SLC12A4: variants seen among roughly 807,000 people sequenced by gnomAD.
The protein encoded by SLC12A4 is solute carrier family 12 member 4.
SLC12A4 carries 84 observed loss-of-function variants against 119.2 expected under a neutral mutation model. The observed-to-expected ratio is 0.70, with a 90% confidence interval of 0.59 to 0.85. The LOEUF (loss-of-function observed/expected upper bound fraction) is 0.85, where lower values mean the gene tolerates loss of function less well. SLC12A4 is among the 40% of genes least tolerant of loss of function. SLC12A4 has a pLI of 0.00. For missense variants in SLC12A4, 1,298 were observed against 1,476.3 expected, an observed-to-expected ratio of 0.88 and a Z score of 1.98; for synonymous variants, 599 against 604.6, an observed-to-expected ratio of 0.99 and a Z score of 0.14.
chr16:67,946,368 C>T (rs1329966142), intron 18 of SLC12A4, 28 bp from the exon 19 acceptor site: 2 of 1,604,956 alleles, frequency 1.2e-6, no homozygotes, highest in East Asian at 4.5e-5. Context: ...GGCTGACCAC[C>T]AGTCTGTGGC....
At position 67,952,318 on chromosome 16, in the gene SLC12A4, G is replaced by A; in HGVS notation, c.783C>T (p.Phe261=). The change falls in exon 7 of 24, where the codon TTC becomes TTT. Residue 261 remains phenylalanine, a synonymous_variant. Transcript: ENST00000316341. Reference sequence around the variant, plus strand: ...CCCCCACAAACACCACCAGGGTCATGAAGGTCAGGAAAATGGTCCCATACA... The same window carrying A: ...CCCCCACAAACACCACCAGGGTCATAAAGGTCAGGAAAATGGTCCCATACA... ...MRVYGTIFLT[F]MTLVVFVGVK... 6.2e-7 allele frequency: 1 copy of A among 1,614,200 alleles called. No individual in the cohort carries two copies. Among genetic ancestry groups the A allele is most frequent in the South Asian group, 1.1e-5 (1 of 91,086 alleles).
chr16:67,968,306 G>T, intron 1 of SLC12A4, 133 bp downstream of exon 1: 1 of 766,442 alleles, frequency 1.3e-6, no homozygotes, highest in Non-Finnish European at 1.9e-6. Context: ...CAGCGGCGCG[G>T]TCCAAAAAAA....
Position 67,968,487 on chromosome 16 carries a change from GC to G in SLC12A4, c.66del (p.Leu23SerfsTer119). 6.3e-7 allele frequency: 1 copy of G among 1,586,624 alleles called. No homozygotes were observed. The highest frequency in any genetic ancestry group is 8.5e-7 in the Non-Finnish European group (1 of 1,170,654). The stretch of plus-strand genomic sequence containing the variant: ...CGCTCCCCGTAGTCCACCCAACTGA[GC>G]CCCTCGAGGTTGTCATAGTCGCCGC... ...PRRGDYDNLEGLSWVDYGERA... is the reference protein window; with the variant it reads ...PRRGDYDNLEXLSWVDYGERA... On this transcript the variant is annotated frameshift_variant, in exon 1 of 24. Transcript: ENST00000316341. LOFTEE classifies it high-confidence loss of function.
chr16:67,946,186 C>G lies in SLC12A4; in HGVS notation c.2592G>C (p.Leu864=), dbSNP rs116185138. ...CCTGGTCTACCTTATGCTGGCGCAG[C>G]AGGAAGGGCAGAAGCATGAGCATGC... is the stretch of plus-strand genomic sequence containing the variant. The part of the protein sequence containing the change: ...DGGMLMLLPF[L]LRQHKVWRKC... Residue 864 remains leucine, a synonymous_variant, in exon 19 of 24, where the codon CTG becomes CTC. Transcript: ENST00000316341. The G allele has an allele frequency of 1.4e-3, 2,236 of 1,613,926 alleles. 33 individuals are homozygous for G. In the African/African-American group the frequency reaches 0.027, roughly 19 times the overall value.
At chr16:67,963,220 G>A (rs780845496) in intron 2 of SLC12A4, 29 of 243,694 alleles carry the variant, frequency 1.2e-4, no homozygotes, top group Non-Finnish European at 2.1e-4. Flanking sequence ...TTGCTGAGGG[G>A]TTGTAAGGAA....
chr16:67,958,462 C>A (rs1356811759), intron 3 of SLC12A4, among the ~76,000 whole-genome samples: 1 of 152,146 alleles, frequency 6.6e-6, no homozygotes, highest in Non-Finnish European at 1.5e-5. Flanking sequence ...TAACTCCTAC[C>A]CAGTCTGTCT....
chr16:67,950,429 T>C lies in SLC12A4; in HGVS notation c.1519A>G (p.Ile507Val). The C allele has an allele frequency of 6.2e-7, 1 of 1,613,998 alleles. No homozygotes were observed. Among genetic ancestry groups the C allele is most frequent in the Non-Finnish European group, 8.5e-7 (1 of 1,180,016 alleles). ...GTLAWPSPWV[I>V]VIGSFFSTCG... is the part of the protein sequence containing the mutation. ...GTTGAAAAGAAGGAGCCGATGACGA[T>C]GACCCAGGGTGAAGGCCAGGCCAGT... Residue 507 changes from isoleucine (I) to valine (V), a missense_variant, in exon 12 of 24, where the codon ATC becomes GTC. Transcript: ENST00000316341. This position sits in a 1 kb window ranked among gnomAD's most constrained non-coding sequence, Gnocchi z 4.3.
Position 67,947,061 on chromosome 16 carries a change from A to C in SLC12A4, c.2117T>G (p.Val706Gly). The C allele has an allele frequency of 4.3e-6, 7 of 1,610,866 alleles. No individual in the cohort carries two copies. The highest frequency in any genetic ancestry group is 5.9e-6 in the Non-Finnish European group (7 of 1,179,544). ...VLLKLDEDLH[V>G]KYPRLLTFAS... ...GAAGGTGAGGAGCCGCGGGTACTTCACGTGGAGGTCCTCGTCCAGCTTCAG... is the reference window on the plus strand; with the variant it reads ...GAAGGTGAGGAGCCGCGGGTACTTCCCGTGGAGGTCCTCGTCCAGCTTCAG... The change falls in exon 17 of 24, where the codon GTG becomes GGG. Residue 706 changes from valine (V) to glycine (G), a missense_variant. Val to Gly is a moderately radical substitution (Grantham distance 109). Coordinates refer to ENST00000316341, the MANE Select transcript of SLC12A4 (RefSeq NM_005072.5).
Position 67,945,073 on chromosome 16 carries a change from C to G in SLC12A4, c.3166+14G>C. The G allele has an allele frequency of 1.9e-6, 3 of 1,577,168 alleles. No individual in the cohort carries two copies. The highest frequency in any genetic ancestry group is 2.6e-6 in the Non-Finnish European group (3 of 1,159,020). Reference sequence around the variant, plus strand: ...ATCCACCTCCCAACTGCCTGCCTCTCCACAAAGGGATACAGTTCTCGTCGC... The same window carrying G: ...ATCCACCTCCCAACTGCCTGCCTCTGCACAAAGGGATACAGTTCTCGTCGC... On this transcript the variant is annotated intron_variant, in intron 23 of 23. Coordinates refer to ENST00000316341, the MANE Select transcript of SLC12A4 (RefSeq NM_005072.5).
At chr16:67,947,471 C>T (rs1443341341) in intron 15 of SLC12A4, 36 bp from the exon 16 acceptor site, 1 of 1,588,828 alleles carries the variant, frequency 6.3e-7, no homozygotes, top group East Asian at 2.3e-5. Context: ...GCCCCTGGTG[C>T]CGCCCAGGGG....
chr16:67,965,744 C>A (rs988368846), intron 1 of SLC12A4, among the ~76,000 whole-genome samples: 1 of 152,208 alleles, frequency 6.6e-6, no homozygotes, highest in East Asian at 1.9e-4. Context: ...ATCCCTTGTC[C>A]CTTCAGCTAT....
In SLC12A4 at chr16:67,968,296, C is replaced by T. The variant is rs914511068; in HGVS notation, c.115+143G>A. ...CGCGCGCAGGGCGGGGAGCCAGTGGCAGCGGCGCGGTCCAAAAAAAGTTGA... is the reference window on the plus strand; with the variant it reads ...CGCGCGCAGGGCGGGGAGCCAGTGGTAGCGGCGCGGTCCAAAAAAAGTTGA... On this transcript the variant is annotated intron_variant, in intron 1 of 23. Transcript: ENST00000316341. 2.3e-5 allele frequency: 16 copies of T among 695,174 alleles called. 2 individuals carry two copies. The highest frequency in any genetic ancestry group is 4.1e-4 in the Middle Eastern group (1 of 2,452). The allele number at this position is 695,174 out of a possible 1,614,324, so 43.1% of individuals were successfully genotyped here. A position where few individuals can be genotyped will look rare whatever the true frequency, so the allele number is the denominator to read the frequency against.
In SLC12A4 at chr16:67,944,819, G is replaced by A; in HGVS notation, c.*21C>T. ...TGTCCTGGCCAAGACCTCGACTCCAGGCCACAAGATGACACTGGGCTCAGG... is the reference window on the plus strand; with the variant it reads ...TGTCCTGGCCAAGACCTCGACTCCAAGCCACAAGATGACACTGGGCTCAGG... On this transcript the variant is annotated 3_prime_UTR_variant, in exon 24 of 24. Transcript: ENST00000316341. The surrounding 1 kb of genome is among the most constrained non-coding windows in gnomAD (Gnocchi z 6.6). 1 of 1,611,834 alleles carries A rather than the reference G, an allele frequency of 6.2e-7. No homozygotes were observed.
Position 67,946,546 on chromosome 16 carries a change from G to C in SLC12A4, c.2329C>G (p.Leu777Val). The C allele has an allele frequency of 6.2e-7, 1 of 1,611,908 alleles. No homozygotes were observed. The highest frequency in any genetic ancestry group is 8.5e-7 in the Non-Finnish European group (1 of 1,180,008). The change falls in exon 18 of 24, where the codon CTC becomes GTC. Residue 777 changes from leucine (L) to valine (V), a missense_variant. Physicochemically the swap from Leu to Val is conservative, Grantham distance 32 (BLOSUM62 1). Transcript: ENST00000316341. ...ASKVREGLAHLIQSCGLGGMR... is the reference protein window; with the variant it reads ...ASKVREGLAHVIQSCGLGGMR... Reference sequence around the variant, plus strand: ...CCTCCCAGGCCACAGGACTGGATGAGGTGGGCCAGCCCCTCCCGCACCTTG... The same window carrying C: ...CCTCCCAGGCCACAGGACTGGATGACGTGGGCCAGCCCCTCCCGCACCTTG...
rs527915105 is a variant in SLC12A4 at position 67,956,518 on chromosome 16, T to C, written c.544+1224A>G. Among the ~76,000 whole-genome samples, 9 of 151,942 alleles carry C rather than the reference T, an allele frequency of 5.9e-5. No individual in the cohort carries two copies. The South Asian group carries it at 1.9e-3, about 32-fold the overall frequency. Reference sequence around the variant, plus strand: ...CTGGCCAACATAGTGAAACCTCGTCTCTACTAAAAATACAAAAATGTGGTG... The same window carrying C: ...CTGGCCAACATAGTGAAACCTCGTCCCTACTAAAAATACAAAAATGTGGTG... On this transcript the variant is annotated intron_variant, in intron 5 of 23. Transcript: ENST00000316341.
Position 67,949,029 on chromosome 16 carries a change from G to A in SLC12A4, c.1748+771C>T, listed in dbSNP as rs1421876341. Reference sequence around the variant, plus strand: ...GCAGGGTGGGCGAGGACCCCAGCCTGGACAGAGTCAACCAAACAAGCGCTG... The same window carrying A: ...GCAGGGTGGGCGAGGACCCCAGCCTAGACAGAGTCAACCAAACAAGCGCTG... On this transcript the variant is annotated intron_variant, in intron 13 of 23. Transcript: ENST00000316341. The surrounding 1 kb of genome is among the most constrained non-coding windows in gnomAD (Gnocchi z 4.6). 6.6e-6 allele frequency among the ~76,000 whole-genome samples: 1 copy of A among 152,190 alleles called. No individual in the cohort carries two copies. The highest frequency in any genetic ancestry group is 2.4e-5 in the African/African-American group (1 of 41,448).
intron 1 of SLC12A4, 82 bp downstream of exon 1, chr16:67,968,357 A>AGGTGCG: frequency 7.9e-7 from 1 of 1,260,220 alleles, no homozygotes; most frequent in Non-Finnish European, 1.1e-6. Flanking sequence ...GTCCCGGGAT[A>AGGTGCG]GGTGCGGGCG....
rs1462240743 is a variant in SLC12A4, at chr16:67,954,562, G to A, written c.675+81C>T. The A allele has an allele frequency of 3.9e-6, 6 of 1,553,366 alleles. No homozygotes were observed. The Admixed American group carries it at 1.0e-4, about 27-fold the overall frequency. Reference sequence around the variant, plus strand: ...AGGCCTTGGCCAGACATGTGGGGATGAACAGCCTGAGCCTTCTGTTTGGAG... The same window carrying A: ...AGGCCTTGGCCAGACATGTGGGGATAAACAGCCTGAGCCTTCTGTTTGGAG... On this transcript the variant is annotated intron_variant, in intron 6 of 23. Transcript: ENST00000316341.
upstream of SLC12A4, chr16:67,968,666 G>T: frequency 7.8e-7 from 1 of 1,283,340 alleles, no homozygotes; most frequent in Non-Finnish European, 9.8e-7. Context: ...CCTCCCCGCT[G>T]CGCTCACTTC....
Sources: gnomAD v4.1 joint callset for allele counts (sites outside exome capture counted in the v4.1 genomes callset) on GRCh38, gnomAD v4.1.1 for gene constraint, Gnocchi (gnomAD v3.1) non-coding constraint, MANE v1.5 for transcripts, NCBI Gene and HGNC (gene_info 2026-07-23, HGNC 2026-07-21) for gene names.